Variants in SGCZ observed in about 807,000 individuals in gnomAD.
SGCZ encodes the protein zeta-sarcoglycan.
A neutral mutation model predicts 41.3 loss-of-function variants in SGCZ; 40 were observed. That is an observed-to-expected ratio of 0.97 (90% CI 0.75 to 1.26). The LOEUF is 1.26. SGCZ is among the 50% of genes most tolerant of loss of function. SGCZ has a pLI of 0.00. For missense variants in SGCZ, 552 were observed against 369.8 expected (o/e 1.49, Z -4.04); for synonymous variants, 206 against 137.5 (o/e 1.50, Z -3.49).
intron 1 of SGCZ, among the ~76,000 whole-genome samples, chr8:15,010,889 T>C (rs1302348561): frequency 6.6e-6 from 1 of 152,190 alleles, no homozygotes; most frequent in Non-Finnish European, 1.5e-5. Context: ...CTGCTCCCTA[T>C]ACATTGTAAT....
At chr8:15,022,898 C>T (rs139865081) in intron 1 of SGCZ, among the ~76,000 whole-genome samples, 9 of 152,270 alleles carry the variant, frequency 5.9e-5, no homozygotes, top group Non-Finnish European at 8.8e-5. Flanking sequence ...GTTTAAGTAA[C>T]GTACGTTTCA....
chr8:14,258,106 T>C (rs1563217510), intron 3 of SGCZ, among the ~76,000 whole-genome samples: 1 of 152,170 alleles, frequency 6.6e-6, no homozygotes, highest in Non-Finnish European at 1.5e-5. Context: ...TCAAAAGAAG[T>C]GTCATTAATT....
At chr8:14,932,410 T>C (rs899182808) in intron 1 of SGCZ, among the ~76,000 whole-genome samples, 2 of 152,018 alleles carry the variant, frequency 1.3e-5, no homozygotes, top group African/African-American at 4.8e-5. Context: ...TTCATCATGA[T>C]GTAAAGGATG....
intron 2 of SGCZ, among the ~76,000 whole-genome samples, chr8:14,327,233 G>C (rs1802153479): frequency 6.6e-6 from 1 of 152,142 alleles, no homozygotes; most frequent in Non-Finnish European, 1.5e-5. Context: ...AGCATTTTCA[G>C]GCATGATAAG....
chr8:14,973,361 G>T (rs554607399), intron 1 of SGCZ, among the ~76,000 whole-genome samples: 1 of 152,168 alleles, frequency 6.6e-6, no homozygotes, highest in Non-Finnish European at 1.5e-5. Flanking sequence ...TTTCCCTTTG[G>T]TACTTTTCCT....
At chr8:14,538,349 T>C (rs998479410) in intron 2 of SGCZ, among the ~76,000 whole-genome samples, 1 of 151,926 alleles carries the variant, frequency 6.6e-6, no homozygotes, top group African/African-American at 2.4e-5. Context: ...GGGCTTGTTT[T>C]AAGAAACTCT....
chr8:15,178,087 C>A lies in SGCZ; in HGVS notation c.39+59498G>T, dbSNP rs193209915. Among the ~76,000 whole-genome samples the A allele has an allele frequency of 2.0e-5, 3 of 152,276 alleles. No homozygotes were observed. In the East Asian group the frequency reaches 5.8e-4, roughly 29 times the overall value. Reference sequence around the variant, plus strand: ...TTCCACTCTGAATTCCCTGCCATTTCCCCAGGACACTGCCTCCTGAGCCTG... The same window carrying A: ...TTCCACTCTGAATTCCCTGCCATTTACCCAGGACACTGCCTCCTGAGCCTG... On this transcript the variant is annotated intron_variant, in intron 1 of 7. Coordinates refer to ENST00000382080, the MANE Select transcript of SGCZ (RefSeq NM_139167.4).
chr8:14,957,934 G>A (rs946705205), intron 1 of SGCZ, among the ~76,000 whole-genome samples: 3 of 151,966 alleles, frequency 2.0e-5, no homozygotes, highest in African/African-American at 7.2e-5. Flanking sequence ...TACTTCTTAT[G>A]TGCAACACTA....
Position 15,196,195 on chromosome 8 carries a change from C to A in SGCZ, c.39+41390G>T, listed in dbSNP as rs1055698107. On this transcript the variant is annotated intron_variant, in intron 1 of 7. Coordinates refer to ENST00000382080, the MANE Select transcript of SGCZ (RefSeq NM_139167.4). ...TACAGGCGTGAGCCACCGCGCCCGG[C>A]CAGGCTTCGATTTTTTAAAGGCAGG... Among the ~76,000 whole-genome samples, 9 of 134,082 alleles carry A rather than the reference C, an allele frequency of 6.7e-5. 1 individual carries two copies. The highest frequency in any genetic ancestry group is 2.3e-4 in the African/African-American group (8 of 35,358). 88.0% of individuals were successfully genotyped at this position (134,082 alleles called of 152,430 possible).
intron 2 of SGCZ, among the ~76,000 whole-genome samples, chr8:14,412,953 C>A (rs1206423437): frequency 6.6e-6 from 1 of 151,796 alleles, no homozygotes; most frequent in Admixed American, 6.6e-5. Flanking sequence ...AAAGTAAAAT[C>A]ATAACAAATA....
chr8:14,725,740 G>A (rs942577757), intron 1 of SGCZ, among the ~76,000 whole-genome samples: 1 of 152,094 alleles, frequency 6.6e-6, no homozygotes, highest in African/African-American at 2.4e-5. Context: ...TTTCTGAGTA[G>A]TTACTGAAAG....
At chr8:14,625,604 T>C (rs750471956) in intron 1 of SGCZ, among the ~76,000 whole-genome samples, 11 of 152,100 alleles carry the variant, frequency 7.2e-5, no homozygotes, top group African/African-American at 1.2e-4. Context: ...TTTGTTTTGT[T>C]TATTTTGTAG....
At chr8:14,889,160 A>G (rs1354927697) in intron 1 of SGCZ, among the ~76,000 whole-genome samples, 2 of 152,080 alleles carry the variant, frequency 1.3e-5, no homozygotes, top group African/African-American at 4.8e-5. Context: ...CCTCTGATTC[A>G]GTGAAAAAAT....
chr8:14,712,243 C>T lies in SGCZ; in HGVS notation c.40-157317G>A, dbSNP rs968496770. 1.0e-3 allele frequency among the ~76,000 whole-genome samples: 157 copies of T among 152,346 alleles called. 2 individuals are homozygous for T. The highest frequency in any genetic ancestry group is 3.6e-3 in the African/African-American group (151 of 41,574). ...AGAATACCTTATAAAAGTATTCCCC[C>T]TCTCCCTCCTTCAGCTCCGTCCTGA... is the stretch of plus-strand genomic sequence containing the variant. On this transcript the variant is annotated intron_variant, in intron 1 of 7. Transcript: ENST00000382080.
chr8:14,309,346 G>T lies in SGCZ; in HGVS notation c.336+14757C>A, dbSNP rs556870203. ...TGTGGGAAGATGAGAAAAACAAATG[G>T]GGAGGACGATGGCTAATTACATTGA... On this transcript the variant is annotated intron_variant, in intron 3 of 7. Transcript: ENST00000382080. 9.4e-6 allele frequency: 15 copies of T among 1,603,324 alleles called. No individual in the cohort carries two copies. In the Admixed American group the frequency reaches 2.5e-4, roughly 27 times the overall value.
At chr8:14,354,471 G>A (rs1264255255) in intron 2 of SGCZ, among the ~76,000 whole-genome samples, 2 of 151,750 alleles carry the variant, frequency 1.3e-5, no homozygotes, top group African/African-American at 2.4e-5. Context: ...TAGTACTCTT[G>A]TAGATTAAGG....
intron 1 of SGCZ, among the ~76,000 whole-genome samples, chr8:14,718,503 A>G (rs907717113): frequency 2.0e-5 from 3 of 152,106 alleles, no homozygotes; most frequent in African/African-American, 4.8e-5. Context: ...ATAACTATAA[A>G]GAAGAGTCTT....
intron 1 of SGCZ, among the ~76,000 whole-genome samples, chr8:15,184,274 T>C (rs1191021383): frequency 6.6e-6 from 1 of 152,174 alleles, no homozygotes; most frequent in East Asian, 1.9e-4. Flanking sequence ...GCTTTTAAAA[T>C]TTTCAATTAT....
At chr8:14,404,107 G>A (rs28562587) in intron 2 of SGCZ, among the ~76,000 whole-genome samples, 6,109 of 151,946 alleles carry the variant, frequency 0.04, 385 homozygotes, top group African/African-American at 0.14. Flanking sequence ...GAGAAGGAGG[G>A]TGCCAGAGGT....
Sources: gnomAD v4.1 joint callset for allele counts (sites outside exome capture counted in the v4.1 genomes callset) on GRCh38, gnomAD v4.1.1 for gene constraint, MANE v1.5 for transcripts, NCBI Gene and HGNC (gene_info 2026-07-23, HGNC 2026-07-21) for gene names.